The following CABCOCO1 variants were observed in gnomAD, a reference collection of about 807,000 sequenced individuals.
CABCOCO1 encodes ciliary-associated calcium-binding coiled-coil protein 1.
In CABCOCO1, 28 loss-of-function variants were observed where a neutral mutation model predicts 35.7. The ratio of observed to expected loss-of-function variants is 0.78; its 90% CI spans 0.58 to 1.07. CABCOCO1 has a LOEUF of 1.07. Ranked by LOEUF, CABCOCO1 falls within the 50% of genes least tolerant of loss-of-function variation. The probability of loss-of-function intolerance (pLI) is 0.00; values close to 1 mark genes in which losing one functional copy is unlikely to be tolerated. For missense variants in CABCOCO1, 326 were observed against 309.2 expected (o/e 1.05, Z -0.41); for synonymous variants, 95 against 100.1 (o/e 0.95, Z 0.30).
chr10:61,739,017 C>T (rs1249167436), intron 5 of CABCOCO1, among the ~76,000 whole-genome samples: 1 of 152,052 alleles, frequency 6.6e-6, no homozygotes, highest in African/African-American at 2.4e-5. Flanking sequence ...TCCAGAATCT[C>T]AACTTGTAAC....
chr10:61,680,899 G>C (rs865888529), intron 2 of CABCOCO1, among the ~76,000 whole-genome samples: 23 of 150,718 alleles, frequency 1.5e-4, no homozygotes, highest in African/African-American at 5.3e-4. Flanking sequence ...GGGAGAGAAG[G>C]AGGAGAAACA....
chr10:61,681,932 T>G (rs1217369513), intron 3 of CABCOCO1, among the ~76,000 whole-genome samples: 1 of 152,174 alleles, frequency 6.6e-6, no homozygotes, highest in Non-Finnish European at 1.5e-5. Context: ...GCAACAGATA[T>G]TGGAGGAAGT....
rs1842117849 is a variant in CABCOCO1, at chr10:61,766,759, T to G, written c.*746T>G. The G allele has an allele frequency of 6.6e-6, 1 of 152,172 alleles. No homozygotes were observed. The highest frequency in any genetic ancestry group is 1.5e-5 in the Non-Finnish European group (1 of 68,026). 9.4% of individuals were successfully genotyped at this position (152,172 alleles called of 1,614,324 possible). On this transcript the variant is annotated 3_prime_UTR_variant, in exon 8 of 8. Coordinates refer to ENST00000648843, the MANE Select transcript of CABCOCO1 (RefSeq NM_001366906.2). ...TAAATACAAATCAAACTCATAGAGT[T>G]CCCAGAATTAGCCATTATATTGAAG... is the stretch of plus-strand genomic sequence containing the variant.
chr10:61,762,791 C>T (rs1842034083), intron 7 of CABCOCO1, among the ~76,000 whole-genome samples: 1 of 152,042 alleles, frequency 6.6e-6, no homozygotes, highest in Non-Finnish European at 1.5e-5. Context: ...CCAGCGTTAT[C>T]CACAAAAACC....
chr10:61,709,554 C>T (rs767740839), intron 5 of CABCOCO1, among the ~76,000 whole-genome samples: 1 of 151,718 alleles, frequency 6.6e-6, no homozygotes, highest in Admixed American at 6.6e-5. Context: ...AAAATCAGTG[C>T]CTTTAAATAA....
chr10:61,737,191 T>C (rs1256396097), intron 5 of CABCOCO1, among the ~76,000 whole-genome samples: 3 of 151,692 alleles, frequency 2.0e-5, no homozygotes, highest in South Asian at 4.1e-4. Context: ...CCAACAAGCA[T>C]ATGAAAAAAG....
chr10:61,675,952 C>G (rs940180719), intron 2 of CABCOCO1, among the ~76,000 whole-genome samples: 10 of 152,098 alleles, frequency 6.6e-5, no homozygotes, highest in Non-Finnish European at 1.2e-4. Context: ...ATAGTCTACA[C>G]TTCATAAAAC....
chr10:61,700,984 CAG>C (rs1288349381), intron 5 of CABCOCO1, among the ~76,000 whole-genome samples: 1 of 148,314 alleles, frequency 6.7e-6, no homozygotes, highest in African/African-American at 2.5e-5. Context: ...TATACATACA[CAG>C]AGAGAGAGAG....
At chr10:61,743,933 ATTG>A (rs1471419533) in intron 5 of CABCOCO1, among the ~76,000 whole-genome samples, 1 of 152,078 alleles carries the variant, frequency 6.6e-6, no homozygotes, top group Admixed American at 6.6e-5. Flanking sequence ...ACTTCTAATA[ATTG>A]TTTCATTCTT....
intron 5 of CABCOCO1, among the ~76,000 whole-genome samples, chr10:61,719,736 A>T (rs1840953307): frequency 6.6e-6 from 1 of 152,084 alleles, no homozygotes; most frequent in Non-Finnish European, 1.5e-5. Context: ...CCTGGCCAAC[A>T]TGGTGAAACC....
intron 5 of CABCOCO1, among the ~76,000 whole-genome samples, chr10:61,691,078 A>C (rs1167446499): frequency 6.6e-6 from 1 of 152,142 alleles, no homozygotes; most frequent in African/African-American, 2.4e-5. Flanking sequence ...CCTTAATTGC[A>C]TCATAATCTC....
chr10:61,751,023 G>A (rs751818694), intron 5 of CABCOCO1, among the ~76,000 whole-genome samples: 1 of 152,092 alleles, frequency 6.6e-6, no homozygotes, highest in Non-Finnish European at 1.5e-5. Context: ...TACTCTGCGA[G>A]CACAAGGGCG....
At chr10:61,684,479 A>G (rs971884766) in intron 3 of CABCOCO1, among the ~76,000 whole-genome samples, 2 of 152,186 alleles carry the variant, frequency 1.3e-5, no homozygotes, top group African/African-American at 4.8e-5. Context: ...CTGGTCCAGC[A>G]ATCAGCCTGT....
chr10:61,681,257 T>G lies in CABCOCO1; in HGVS notation c.279T>G (p.Ile93Met). The G allele has an allele frequency of 6.4e-7, 1 of 1,569,632 alleles. No individual in the cohort carries two copies. Among genetic ancestry groups the G allele is most frequent in the Non-Finnish European group, 8.7e-7 (1 of 1,149,260 alleles). The change falls in exon 3 of 8, where the codon ATT becomes ATG. Residue 93 changes from isoleucine to methionine, a missense_variant. Transcript: ENST00000648843. ...GGGCTAGAGGAATGGATTTCTCTAT[T>G]ATTCAGTATTCAAAATTTATGACTT... Reference protein sequence around the residue: ...FLWARGMDFSIIQYSKFMTLL... With the variant: ...FLWARGMDFSMIQYSKFMTLL...
intron 5 of CABCOCO1, among the ~76,000 whole-genome samples, chr10:61,705,311 T>A (rs1278598891): frequency 6.6e-6 from 1 of 152,214 alleles, no homozygotes; most frequent in Non-Finnish European, 1.5e-5. Context: ...CAGGAACAAT[T>A]CTGGGTTGAA....
chr10:61,738,102 A>G (rs1841466376), intron 5 of CABCOCO1, among the ~76,000 whole-genome samples: 2 of 151,788 alleles, frequency 1.3e-5, no homozygotes, highest in South Asian at 2.1e-4. Context: ...TTCTAATTCA[A>G]TAGGTCTGGG....
At chr10:61,718,379 A>C (rs1364489923) in intron 5 of CABCOCO1, among the ~76,000 whole-genome samples, 3 of 152,182 alleles carry the variant, frequency 2.0e-5, no homozygotes, top group African/African-American at 7.2e-5. Context: ...TCAGTCCAAA[A>C]AGTAGTCAAT....
chr10:61,757,599 A>G (rs1221263819), intron 5 of CABCOCO1, among the ~76,000 whole-genome samples: 1 of 151,944 alleles, frequency 6.6e-6, no homozygotes, highest in Non-Finnish European at 1.5e-5. Context: ...CTCAGTCAGA[A>G]CTTCAGGTTC....
intron 5 of CABCOCO1, among the ~76,000 whole-genome samples, chr10:61,757,034 G>A (rs1841910914): frequency 6.6e-6 from 1 of 151,652 alleles, no homozygotes; most frequent in Non-Finnish European, 1.5e-5. Flanking sequence ...TAATAAAGCT[G>A]ACCATGTCTC....
Sources: gnomAD v4.1 joint callset for allele counts (sites outside exome capture counted in the v4.1 genomes callset) on GRCh38, gnomAD v4.1.1 for gene constraint, MANE v1.5 for transcripts, NCBI Gene and HGNC (gene_info 2026-07-23, HGNC 2026-07-21) for gene names.